RPTOR: variants seen among roughly 807,000 people sequenced by gnomAD.
RPTOR encodes regulatory associated protein of MTOR complex 1.
RPTOR carries 21 observed loss-of-function variants against 169.9 expected under a neutral mutation model. The observed-to-expected ratio is 0.12, with a 90% CI of 0.09 to 0.18. The LOEUF is 0.18. Ranked by LOEUF, RPTOR falls within the 10% of genes least tolerant of loss-of-function variation. The pLI is 1.00. For synonymous variants in RPTOR, 732 were observed against 753.2 expected, an observed-to-expected ratio of 0.97 and a Z score of 0.46; for missense variants, 1,133 against 1,855.9, an observed-to-expected ratio of 0.61 and a Z score of 7.16.
At chr17:80,634,337 G>C (rs868543833) in intron 2 of RPTOR, among the ~76,000 whole-genome samples, 2 of 110,570 alleles carry the variant, frequency 1.8e-5, no homozygotes, top group Admixed American at 1.9e-4. Flanking sequence ...GTGCGTGTGC[G>C]TACTGTGTGC....
In RPTOR at chr17:80,707,724, C is replaced by G. The variant is rs2066152339; in HGVS notation, c.349-117C>G. 2.2e-6 allele frequency: 2 copies of G among 906,830 alleles called. No individual in the cohort carries two copies. The highest frequency in any genetic ancestry group is 3.4e-5 in the African/African-American group (2 of 59,594). 56.2% of individuals were successfully genotyped at this position (906,830 alleles called of 1,614,324 possible). The stretch of plus-strand genomic sequence containing the variant: ...GTTTTATAGATGGAGAAACTCAGAG[C>G]CATGTGTCCAGGACCACACAGCTAT... On this transcript the variant is annotated intron_variant, in intron 3 of 33. Transcript: ENST00000306801. This position sits in a 1 kb window ranked among gnomAD's most constrained non-coding sequence, Gnocchi z 5.0.
intron 1 of RPTOR, among the ~76,000 whole-genome samples, chr17:80,594,701 G>GA (rs2065132389): frequency 1.3e-5 from 2 of 152,214 alleles, no homozygotes; most frequent in African/African-American, 4.8e-5. Flanking sequence ...ACTGAAAATG[G>GA]AATGTTTTAA....
chr17:80,850,101 A>G (rs2067777889), intron 11 of RPTOR, among the ~76,000 whole-genome samples: 1 of 152,144 alleles, frequency 6.6e-6, no homozygotes, highest in African/African-American at 2.4e-5. Context: ...ATACGGGTGC[A>G]GGTTTCTTGC....
At position 80,928,751 on chromosome 17, in the gene RPTOR, G is replaced by A. The variant is rs111755365; in HGVS notation, c.2919+3271G>A. Among the ~76,000 whole-genome samples the A allele has an allele frequency of 1.0e-3, 152 of 152,340 alleles. 1 individual carries two copies. Among genetic ancestry groups the A allele is most frequent in the African/African-American group, 3.5e-3 (145 of 41,576 alleles). ...AAAAGAATATTAAAAATGGTCTGCC[G>A]TGTGCTTAAGAAAGAAAAAGATGTA... On this transcript the variant is annotated intron_variant, in intron 24 of 33. Coordinates refer to ENST00000306801, the MANE Select transcript of RPTOR (RefSeq NM_020761.3).
chr17:80,634,154 CTGTG>C (rs774291587), intron 2 of RPTOR, among the ~76,000 whole-genome samples: 20 of 115,296 alleles, frequency 1.7e-4, no homozygotes, highest in African/African-American at 5.5e-4. Flanking sequence ...CGTGTGCGTA[CTGTG>C]TGTGTGTGCA....
At chr17:80,581,712 G>T (rs114177791) in intron 1 of RPTOR, among the ~76,000 whole-genome samples, 24,481 of 150,402 alleles carry the variant, frequency 0.16, 2,207 homozygotes, top group Middle Eastern at 0.24. Flanking sequence ...CTGCAGTGGA[G>T]ACTGCACATT....
intron 9 of RPTOR, among the ~76,000 whole-genome samples, chr17:80,828,551 A>T (rs1598335383): frequency 6.6e-6 from 1 of 151,984 alleles, no homozygotes; most frequent in Non-Finnish European, 1.5e-5. Context: ...CCTAACCCCG[A>T]CCCCTGCCTT....
intron 3 of RPTOR, among the ~76,000 whole-genome samples, chr17:80,700,646 GTGATGGTAGAGATGA>G: frequency 6.7e-6 from 1 of 148,994 alleles, no homozygotes; most frequent in African/African-American, 2.5e-5. Flanking sequence ...GATGGTGGTG[GTGATGGTAGAGATGA>G]TGGTGATGGT....
chr17:80,904,263 G>A (rs1271905578), intron 20 of RPTOR, among the ~76,000 whole-genome samples: 1 of 152,218 alleles, frequency 6.6e-6, no homozygotes, highest in East Asian at 1.9e-4. Context: ...GAAGCCCTCG[G>A]CCTGGGGCAC....
rs2065256903 is a variant in RPTOR, at chr17:80,609,770, T to G, written c.163-15921T>G. Among the ~76,000 whole-genome samples the G allele has an allele frequency of 7.7e-6, 1 of 129,762 alleles. No individual in the cohort carries two copies. The highest frequency in any genetic ancestry group is 3.1e-5 in the African/African-American group (1 of 32,668). 85.1% of individuals were successfully genotyped at this position (129,762 alleles called of 152,430 possible). On this transcript the variant is annotated intron_variant, in intron 1 of 33. Coordinates refer to ENST00000306801, the MANE Select transcript of RPTOR (RefSeq NM_020761.3). The surrounding 1 kb of genome is among the most constrained non-coding windows in gnomAD (Gnocchi z 4.8). Reference sequence around the variant, plus strand: ...AAAAAAAAAAAAAAGTTTAAGGTGTTGGTTGTGTGTGTGTGTGTGTGTGTG... The same window carrying G: ...AAAAAAAAAAAAAAGTTTAAGGTGTGGGTTGTGTGTGTGTGTGTGTGTGTG...
chr17:80,893,308 T>C (rs190400914), intron 19 of RPTOR, among the ~76,000 whole-genome samples: 14 of 140,400 alleles, frequency 1.0e-4, no homozygotes, highest in Middle Eastern at 8.1e-3. Context: ...GGTGTGTGTG[T>C]GCGCCAGGTG....
chr17:80,800,515 C>T (rs575016295), intron 7 of RPTOR, among the ~76,000 whole-genome samples: 15 of 152,184 alleles, frequency 9.9e-5, no homozygotes, highest in Non-Finnish European at 1.8e-4. Flanking sequence ...GGAGAGGAAT[C>T]TGTTTTCTAA....
intron 17 of RPTOR, among the ~76,000 whole-genome samples, chr17:80,889,832 TG>T (rs2068294719): frequency 7.9e-6 from 1 of 127,374 alleles, no homozygotes; most frequent in Admixed American, 7.9e-5. Flanking sequence ...CGCAGCAGGA[TG>T]TGCGGCCTCC....
At chr17:80,687,622 G>A (rs2065958579) in intron 3 of RPTOR, among the ~76,000 whole-genome samples, 1 of 152,214 alleles carries the variant, frequency 6.6e-6, no homozygotes, top group African/African-American at 2.4e-5. Context: ...GTACCTCGGT[G>A]TCTGCGTGGA....
chr17:80,937,316 T>G (rs1427717504), intron 24 of RPTOR, among the ~76,000 whole-genome samples: 1 of 152,152 alleles, frequency 6.6e-6, no homozygotes, highest in African/African-American at 2.4e-5. Flanking sequence ...CTTTCTAAAT[T>G]CAGAGGGATT....
rs1432023929 is a variant in RPTOR, at chr17:80,643,258, T to G, written c.266-470T>G. On this transcript the variant is annotated intron_variant, in intron 2 of 33. Coordinates refer to ENST00000306801, the MANE Select transcript of RPTOR (RefSeq NM_020761.3). ...ATGAATGTACATTTGTGAAACGGAT[T>G]TTTTTTGTGGGAATACTGAGTGCAG... 1.7e-4 allele frequency among the ~76,000 whole-genome samples: 21 copies of G among 120,942 alleles called. No individual in the cohort carries two copies. The East Asian group carries it at 3.9e-3, about 22-fold the overall frequency. The allele number at this position is 120,942 out of a possible 152,430, so 79.3% of individuals were successfully genotyped here.
At chr17:80,831,655 G>A (rs1347843644) in intron 9 of RPTOR, among the ~76,000 whole-genome samples, 1 of 152,178 alleles carries the variant, frequency 6.6e-6, no homozygotes, top group African/African-American at 2.4e-5. Context: ...TCCACAGAGG[G>A]CAGCAGCATC....
intron 11 of RPTOR, among the ~76,000 whole-genome samples, chr17:80,846,785 C>G (rs2067736241): frequency 6.6e-6 from 1 of 152,258 alleles, no homozygotes; most frequent in African/African-American, 2.4e-5. Flanking sequence ...GCTGATCGCA[C>G]ATTCATTCCT....
In RPTOR at chr17:80,549,501, C is replaced by T. The variant is rs1228423691; in HGVS notation, c.162+3710C>T. Among the ~76,000 whole-genome samples the T allele has an allele frequency of 7.2e-5, 11 of 151,932 alleles. No individual in the cohort carries two copies. In the South Asian group the frequency reaches 1.0e-3, roughly 14 times the overall value. ...ATTTTTTTCATATTTTTATTAGAGA[C>T]GGGGTTTCACTATGTTGGCCAGGCT... On this transcript the variant is annotated intron_variant, in intron 1 of 33. Coordinates refer to ENST00000306801, the MANE Select transcript of RPTOR (RefSeq NM_020761.3).
Sources: gnomAD v4.1 joint callset for allele counts (sites outside exome capture counted in the v4.1 genomes callset) on GRCh38, gnomAD v4.1.1 for gene constraint, Gnocchi (gnomAD v3.1) non-coding constraint, MANE v1.5 for transcripts, NCBI Gene and HGNC (gene_info 2026-07-23, HGNC 2026-07-21) for gene names.